Variants in RNF13 observed in about 807,000 individuals in gnomAD.
The protein encoded by RNF13 is ring finger protein 13.
In RNF13, 19 loss-of-function variants were observed where a neutral mutation model predicts 37.7. The ratio of observed to expected loss-of-function variants is 0.50; its 90% CI spans 0.35 to 0.74. RNF13 has a LOEUF of 0.74. Ranked by LOEUF, RNF13 falls within the 30% of genes least tolerant of loss-of-function variation. The pLI, the probability that RNF13 is intolerant of heterozygous loss-of-function variation, is 0.01. For synonymous variants in RNF13, 144 were observed against 157.8 expected (o/e 0.91, Z 0.65); for missense variants, 375 against 453.0 (o/e 0.83, Z 1.56).
chr3:149,850,629 G>A (rs1723043466), intron 2 of RNF13, among the ~76,000 whole-genome samples: 1 of 152,140 alleles, frequency 6.6e-6, no homozygotes, highest in Admixed American at 6.5e-5. Flanking sequence ...AGTATAGTTT[G>A]TAGATTCCCC....
chr3:149,934,931 T>C (rs1266801094), intron 8 of RNF13, among the ~76,000 whole-genome samples: 1 of 152,190 alleles, frequency 6.6e-6, no homozygotes, highest in Non-Finnish European at 1.5e-5. Context: ...AGTTCCCCTT[T>C]AAAAAAGAAT....
At chr3:149,893,887 C>G (rs1299677486) in intron 4 of RNF13, 1 of 152,124 alleles carries the variant, frequency 6.6e-6, no homozygotes. Context: ...TCTTGCCATT[C>G]CTACAGTAGA....
intron 1 of RNF13, among the ~76,000 whole-genome samples, chr3:149,836,785 G>A (rs933777528): frequency 2.0e-5 from 3 of 152,144 alleles, no homozygotes; most frequent in Non-Finnish European, 2.9e-5. Context: ...CAGTAACATG[G>A]GGTATGTACA....
chr3:149,852,261 A>C (rs1295913164), intron 2 of RNF13, among the ~76,000 whole-genome samples: 1 of 152,156 alleles, frequency 6.6e-6, no homozygotes, highest in Admixed American at 6.5e-5. Context: ...AACTCAGAAA[A>C]CAGTAGGCTG....
rs768071913 is a variant in RNF13, at chr3:149,876,771, CTTTTTTTTTT to C, written c.321+4632_321+4641del. Among the ~76,000 whole-genome samples the C allele has an allele frequency of 4.5e-3, 374 of 82,526 alleles. 3 individuals carry two copies. Among genetic ancestry groups the C allele is most frequent in the African/African-American group, 0.018 (359 of 19,814 alleles). 54.1% of individuals were successfully genotyped at this position (82,526 alleles called of 152,430 possible). A position where few individuals can be genotyped will look rare whatever the true frequency, so the allele number is the denominator to read the frequency against. On this transcript the variant is annotated intron_variant, in intron 4 of 9. Coordinates refer to ENST00000392894, the MANE Select transcript of RNF13 (RefSeq NM_183381.3). ...TTCTTCAAGGTAGAAGTCATCATAT[CTTTTTTTTTT>C]TTTTTTTTTTTTTTGAGATGGAGTT... is the stretch of plus-strand genomic sequence containing the variant.
chr3:149,869,889 T>A (rs1055475493), intron 3 of RNF13, among the ~76,000 whole-genome samples: 1 of 151,744 alleles, frequency 6.6e-6, no homozygotes. Flanking sequence ...CTCTAGTAAA[T>A]TATCAAAATG....
chr3:149,883,146 T>C lies in RNF13; in HGVS notation c.321+10992T>C, dbSNP rs139478318. The stretch of plus-strand genomic sequence containing the variant: ...CTAATTGTGTCCAAAATATCTCTTA[T>C]AGTTGTTTTCTTTTTAACCATTTCA... On this transcript the variant is annotated intron_variant, in intron 4 of 9. Coordinates refer to ENST00000392894, the MANE Select transcript of RNF13 (RefSeq NM_183381.3). Among the ~76,000 whole-genome samples the C allele has an allele frequency of 1.9e-3, 293 of 152,228 alleles. 1 individual carries two copies. Among genetic ancestry groups the C allele is most frequent in the African/African-American group, 6.8e-3 (281 of 41,558 alleles).
intron 8 of RNF13, among the ~76,000 whole-genome samples, chr3:149,955,043 A>G (rs947329765): frequency 6.6e-6 from 1 of 152,186 alleles, no homozygotes; most frequent in African/African-American, 2.4e-5. Context: ...TTGCCCCATT[A>G]GTATGTTAAA....
intron 1 of RNF13, among the ~76,000 whole-genome samples, chr3:149,828,167 C>G (rs1463336312): frequency 6.6e-6 from 1 of 152,150 alleles, no homozygotes; most frequent in Non-Finnish European, 1.5e-5. Context: ...GTCAGTTAGA[C>G]TCTAGCACTT....
rs145857293 is a variant in RNF13 at position 149,939,810 on chromosome 3, C to T, written c.700+18583C>T. 628 of 559,666 alleles carry T rather than the reference C, an allele frequency of 1.1e-3. 4 individuals carry two copies. The highest frequency in any genetic ancestry group is 9.5e-3 in the African/African-American group (508 of 53,436). 34.7% of individuals were successfully genotyped at this position (559,666 alleles called of 1,614,324 possible). A position where few individuals can be genotyped will look rare whatever the true frequency, so the allele number is the denominator to read the frequency against. On this transcript the variant is annotated intron_variant, in intron 8 of 9. Transcript: ENST00000392894. ...TCAAATCTTCCATGGGGTGGTGACA[C>T]GCACTTAGGTGGGAGAGAAGGTGGA...
intron 7 of RNF13, among the ~76,000 whole-genome samples, chr3:149,919,955 T>C (rs1377948022): frequency 1.3e-5 from 2 of 152,160 alleles, no homozygotes; most frequent in Non-Finnish European, 2.9e-5. Context: ...TATATTGTAT[T>C]ATAGTATTTA....
chr3:149,892,964 C>T (rs1235502339), intron 4 of RNF13, among the ~76,000 whole-genome samples: 1 of 152,128 alleles, frequency 6.6e-6, no homozygotes, highest in African/African-American at 2.4e-5. Context: ...CAGGACAGGG[C>T]AAGCTTCATG....
At chr3:149,939,264 C>T in intron 8 of RNF13, 1 of 476,906 alleles carries the variant, frequency 2.1e-6, no homozygotes, top group Non-Finnish European at 4.0e-6. Flanking sequence ...TGCTTTTTAT[C>T]CAGTTTCCTC....
intron 3 of RNF13, among the ~76,000 whole-genome samples, 176 bp downstream of exon 3, chr3:149,852,772 C>T (rs1256056820): frequency 6.6e-6 from 1 of 151,812 alleles, no homozygotes; most frequent in Admixed American, 6.6e-5. Flanking sequence ...TGAAAATCAC[C>T]TAGGATTGTA....
intron 8 of RNF13, among the ~76,000 whole-genome samples, chr3:149,943,975 C>T (rs1016711113): frequency 3.9e-5 from 6 of 152,042 alleles, no homozygotes; most frequent in South Asian, 2.1e-4. Context: ...CCCAACCCCA[C>T]GACATGCCCT....
chr3:149,949,670 TTTC>T (rs1455501706), intron 8 of RNF13, among the ~76,000 whole-genome samples: 1 of 151,896 alleles, frequency 6.6e-6, no homozygotes, highest in Non-Finnish European at 1.5e-5. Flanking sequence ...TAATGCATGT[TTTC>T]TTCTATTTGA....
intron 3 of RNF13, among the ~76,000 whole-genome samples, chr3:149,857,379 T>C (rs1723762240): frequency 6.6e-6 from 1 of 152,216 alleles, no homozygotes; most frequent in Non-Finnish European, 1.5e-5. Flanking sequence ...AATCTTTTCA[T>C]GGATTAAAAT....
At position 149,961,684 on chromosome 3, in the gene RNF13, C is replaced by G. The variant is rs1362742833; in HGVS notation, c.*580C>G. The stretch of plus-strand genomic sequence containing the variant: ...GTCTATACTAGTGCAGATTTCAACA[C>G]TTTTTTTTAACGTTTTAATTACTAT... On this transcript the variant is annotated 3_prime_UTR_variant, in exon 10 of 10. Transcript: ENST00000392894. 5.9e-6 allele frequency: 1 copy of G among 169,954 alleles called. No homozygotes were observed. The highest frequency in any genetic ancestry group is 1.3e-5 in the Non-Finnish European group (1 of 79,478). 10.5% of individuals were successfully genotyped at this position (169,954 alleles called of 1,614,324 possible).
At chr3:149,927,874 T>C (rs910917647) in intron 8 of RNF13, among the ~76,000 whole-genome samples, 17 of 152,152 alleles carry the variant, frequency 1.1e-4, no homozygotes, top group Non-Finnish European at 7.4e-5. Context: ...GATTTGCAAA[T>C]ATTTTTTCCC....
Sources: allele counts gnomAD v4.1 joint callset (sites outside exome capture counted in the v4.1 genomes callset), GRCh38; gene constraint gnomAD v4.1.1; transcripts MANE v1.5; gene names NCBI Gene and HGNC (gene_info 2026-07-23, HGNC 2026-07-21).